ACCSL: variants seen among roughly 807,000 people sequenced by gnomAD.
ACCSL encodes the protein probable inactive 1-aminocyclopropane-1-carboxylate synthase-like protein 2.
In ACCSL, 55 loss-of-function variants were observed where a neutral mutation model predicts 61.7. The observed-to-expected ratio is 0.89, with a 90% CI of 0.72 to 1.12. The LOEUF (loss-of-function observed/expected upper bound fraction) is 1.12. Among genes scored for constraint, ACCSL ranks in the 50% most tolerant of loss-of-function variants. The probability of loss-of-function intolerance (pLI) is 0.00; values close to 1 mark genes in which losing one functional copy is unlikely to be tolerated. For missense variants in ACCSL, 632 were observed against 698.0 expected (o/e 0.91, Z 1.07); for synonymous variants, 258 against 264.3 (o/e 0.98, Z 0.23).
At chr11:43,953,519 TCA>T in the ACCSL span, among the ~76,000 whole-genome samples, 1 of 76,282 alleles carries the variant, frequency 1.3e-5, no homozygotes, top group African/African-American at 5.6e-5. Context: ...AGACTCTGAC[TCA>T]AAAAAAAAAA....
At chr11:43,953,005 T>A in the ACCSL span, among the ~76,000 whole-genome samples, 1 of 152,202 alleles carries the variant, frequency 6.6e-6, no homozygotes, top group South Asian at 2.1e-4. Context: ...CTGCTGAGTG[T>A]TTCCATTGTT....
the ACCSL span, among the ~76,000 whole-genome samples, chr11:43,998,937 T>G: frequency 1.3e-5 from 2 of 152,140 alleles, no homozygotes; most frequent in African/African-American, 4.8e-5. Flanking sequence ...ATTTTTACAT[T>G]TTTTCAGAGA....
the ACCSL span, among the ~76,000 whole-genome samples, chr11:44,003,201 T>A: frequency 6.6e-6 from 1 of 152,216 alleles, no homozygotes; most frequent in South Asian, 2.1e-4. Context: ...GTTCCAAGTA[T>A]AAGCCAAAGC....
At chr11:43,945,901 C>A in the ACCSL span, among the ~76,000 whole-genome samples, 1 of 152,110 alleles carries the variant, frequency 6.6e-6, no homozygotes, top group African/African-American at 2.4e-5. Context: ...CCTTCAGCCC[C>A]TACCTGAAGG....
chr11:43,928,599 C>T, the ACCSL span, among the ~76,000 whole-genome samples: 3 of 152,072 alleles, frequency 2.0e-5, no homozygotes, highest in Non-Finnish European at 4.4e-5. Context: ...GAGTGGGGAG[C>T]GGAGGAGGTG....
the ACCSL span, among the ~76,000 whole-genome samples, chr11:43,963,462 G>A: frequency 2.8e-3 from 421 of 152,292 alleles, 3 homozygotes; most frequent in Non-Finnish European, 3.0e-3. Context: ...TCTCTCAGAG[G>A]GAGCAACTTG....
At chr11:44,014,862 C>T in the ACCSL span, among the ~76,000 whole-genome samples, 3 of 152,178 alleles carry the variant, frequency 2.0e-5, no homozygotes, top group East Asian at 3.9e-4. Flanking sequence ...GCCTCTAAAG[C>T]GCTCTCCGAG....
intron 3 of ACCSL, 50 bp from the exon 4 acceptor site, chr11:44,051,285 G>A (rs1388651620): frequency 2.5e-6 from 4 of 1,593,446 alleles, no homozygotes; most frequent in Non-Finnish European, 3.4e-6. Context: ...TAGACCATGA[G>A]TGAGGAAAGG....
the ACCSL span, among the ~76,000 whole-genome samples, chr11:43,948,893 C>A: frequency 6.6e-6 from 1 of 152,216 alleles, no homozygotes; most frequent in African/African-American, 2.4e-5. Flanking sequence ...GCTGAACCCC[C>A]CTAGGGGCTG....
intron 8 of ACCSL, 148 bp from the exon 9 acceptor site, chr11:44,055,054 G>A (rs974414485): frequency 1.8e-5 from 10 of 563,172 alleles, no homozygotes; most frequent in African/African-American, 1.7e-4. Flanking sequence ...CAGATGGGCT[G>A]CTGGGGCAGT....
chr11:44,009,463 C>T, the ACCSL span, among the ~76,000 whole-genome samples: 1 of 152,166 alleles, frequency 6.6e-6, no homozygotes, highest in African/African-American at 2.4e-5. Flanking sequence ...GAAGAAAAAG[C>T]TGCATATAAA....
intron 9 of ACCSL, among the ~76,000 whole-genome samples, 200 bp from the exon 10 acceptor site, chr11:44,055,840 T>G (rs1952667653): frequency 6.6e-6 from 1 of 152,268 alleles, no homozygotes. Context: ...CAGTGGGCAC[T>G]TGGGTTCTGT....
the ACCSL span, among the ~76,000 whole-genome samples, chr11:44,038,156 T>G: frequency 6.6e-6 from 1 of 151,720 alleles, no homozygotes; most frequent in Admixed American, 6.6e-5. Flanking sequence ...GGAACTGCAG[T>G]GTGGTGAGCA....
the ACCSL span, among the ~76,000 whole-genome samples, chr11:43,997,168 G>A: frequency 6.6e-6 from 1 of 151,814 alleles, no homozygotes; most frequent in Non-Finnish European, 1.5e-5. Flanking sequence ...AAATCCCAAT[G>A]TCCAGGGGGT....
At chr11:43,932,405 C>T in the ACCSL span, among the ~76,000 whole-genome samples, 2,430 of 152,264 alleles carry the variant, frequency 0.016, 67 homozygotes, top group African/African-American at 0.056. Flanking sequence ...GCAGCTGGGA[C>T]CACAGATGCG....
the ACCSL span, among the ~76,000 whole-genome samples, chr11:43,968,622 T>A: frequency 6.6e-6 from 1 of 152,222 alleles, no homozygotes; most frequent in South Asian, 2.1e-4. Context: ...TGTTTTAATT[T>A]AATCAGGGAT....
At chr11:44,014,640 G>C in the ACCSL span, among the ~76,000 whole-genome samples, 1 of 152,126 alleles carries the variant, frequency 6.6e-6, no homozygotes, top group Non-Finnish European at 1.5e-5. Flanking sequence ...CCTGCACAAG[G>C]GTATCACTAC....
chr11:43,952,208 A>T, the ACCSL span, among the ~76,000 whole-genome samples: 1 of 151,940 alleles, frequency 6.6e-6, no homozygotes, highest in African/African-American at 2.4e-5. Context: ...AGTTTTTTTC[A>T]TCCTTACTCT....
chr11:44,001,330 C>T, the ACCSL span, among the ~76,000 whole-genome samples: 260 of 151,904 alleles, frequency 1.7e-3, 2 homozygotes, highest in East Asian at 8.5e-3. Flanking sequence ...AAGCAAGCTG[C>T]CCATCTCTCG....
Sources: gnomAD v4.1 joint callset for allele counts (sites outside exome capture counted in the v4.1 genomes callset) on GRCh38, gnomAD v4.1.1 for gene constraint, MANE v1.5 for transcripts, NCBI Gene and HGNC (gene_info 2026-07-23, HGNC 2026-07-21) for gene names.